The following MSRA variants were observed in gnomAD, a reference collection of about 807,000 sequenced individuals.
The protein encoded by MSRA is mitochondrial peptide methionine sulfoxide reductase.
In MSRA, 54 loss-of-function variants were observed where a neutral mutation model predicts 31.3. The observed-to-expected ratio is 1.73, with a 90% CI of 1.39 to 2.17. The LOEUF (loss-of-function observed/expected upper bound fraction) is 2.17. Ranked by LOEUF, MSRA falls within the 30% of genes most tolerant of loss-of-function variation. The pLI, the probability that MSRA is intolerant of heterozygous loss-of-function variation, is 0.00. For synonymous variants in MSRA, 169 were observed against 116.5 expected (o/e 1.45, Z -2.90); for missense variants, 507 against 300.9 (o/e 1.69, Z -5.07).
At chr8:10,325,947 T>G (rs1030436352) in intron 5 of MSRA, among the ~76,000 whole-genome samples, 1 of 152,220 alleles carries the variant, frequency 6.6e-6, no homozygotes, top group African/African-American at 2.4e-5. Context: ...TAGAACTCTG[T>G]ACTGTAGTCA....
At chr8:10,145,555 A>G (rs1043896319) in intron 1 of MSRA, among the ~76,000 whole-genome samples, 1 of 152,038 alleles carries the variant, frequency 6.6e-6, no homozygotes, top group Non-Finnish European at 1.5e-5. Flanking sequence ...GTTTGTGAGC[A>G]CTCCATCCAC....
intron 3 of MSRA, among the ~76,000 whole-genome samples, chr8:10,284,931 T>C (rs1799853762): frequency 6.6e-6 from 1 of 152,026 alleles, no homozygotes; most frequent in South Asian, 2.1e-4. Context: ...TTTTGCATCT[T>C]CAAAATCTAG....
intron 3 of MSRA, among the ~76,000 whole-genome samples, chr8:10,264,317 G>A (rs368151532): frequency 9.8e-5 from 15 of 152,296 alleles, no homozygotes; most frequent in East Asian, 7.7e-4. Context: ...CTATTAGGTC[G>A]TTTCTTTGAT....
chr8:10,199,241 G>A (rs1055644268), intron 1 of MSRA, among the ~76,000 whole-genome samples: 1 of 152,132 alleles, frequency 6.6e-6, no homozygotes, highest in African/African-American at 2.4e-5. Context: ...TCACTCCCCA[G>A]ACAGTCTGCA....
At position 10,184,729 on chromosome 8, in the gene MSRA, T is replaced by A. The variant is rs1341061310; in HGVS notation, c.143-23104T>A. Among the ~76,000 whole-genome samples the A allele has an allele frequency of 2.0e-5, 3 of 152,218 alleles. No homozygotes were observed. The East Asian group carries it at 5.8e-4, about 29-fold the overall frequency. On this transcript the variant is annotated intron_variant, in intron 1 of 5. Coordinates refer to ENST00000317173, the MANE Select transcript of MSRA (RefSeq NM_012331.5). ...ACAGGTAGAGCAGGCATGACCTAAA[T>A]TTGGTGGATGAAGAGATCTAGATTC...
chr8:10,378,204 C>CT (rs1805861269), intron 5 of MSRA, among the ~76,000 whole-genome samples: 1 of 152,214 alleles, frequency 6.6e-6, no homozygotes. Flanking sequence ...CTTCTCCCCT[C>CT]TGGGCCTTGA....
intron 2 of MSRA, among the ~76,000 whole-genome samples, chr8:10,234,355 G>C (rs1410707165): frequency 6.6e-6 from 1 of 152,110 alleles, no homozygotes; most frequent in Non-Finnish European, 1.5e-5. Flanking sequence ...GGCGGGTTTT[G>C]AGTTTGGGAG....
At chr8:10,349,409 A>G (rs1025331192) in intron 5 of MSRA, among the ~76,000 whole-genome samples, 1 of 144,146 alleles carries the variant, frequency 6.9e-6, no homozygotes, top group Admixed American at 6.7e-5. Context: ...TGCCTAGAAT[A>G]TCTTTTCCTT....
intron 3 of MSRA, among the ~76,000 whole-genome samples, chr8:10,251,786 A>G (rs765875674): frequency 1.3e-5 from 2 of 150,742 alleles, no homozygotes; most frequent in Non-Finnish European, 3.0e-5. Flanking sequence ...GGTTTTGTTT[A>G]TTGTAAACCT....
At chr8:10,222,300 C>T (rs1028044131) in intron 2 of MSRA, among the ~76,000 whole-genome samples, 1 of 152,040 alleles carries the variant, frequency 6.6e-6, no homozygotes, top group South Asian at 2.1e-4. Flanking sequence ...GTTTTCTATC[C>T]CTCTGTTTTG....
At chr8:10,094,299 T>C (rs898079005) in intron 1 of MSRA, among the ~76,000 whole-genome samples, 7 of 152,354 alleles carry the variant, frequency 4.6e-5, no homozygotes, top group African/African-American at 1.7e-4. Flanking sequence ...CCATAACTTA[T>C]TTACTTAATA....
At chr8:10,236,453 A>T (rs891381251) in intron 2 of MSRA, among the ~76,000 whole-genome samples, 1 of 152,232 alleles carries the variant, frequency 6.6e-6, no homozygotes. Context: ...ATACACCAGC[A>T]CTAAGTAATC....
chr8:10,191,454 A>T (rs117227814), intron 1 of MSRA, among the ~76,000 whole-genome samples: 1 of 152,206 alleles, frequency 6.6e-6, no homozygotes, highest in Non-Finnish European at 1.5e-5. Flanking sequence ...ACTTCCCCAA[A>T]CAAAACAGCA....
rs79433566 is a variant in MSRA at position 10,421,144 on chromosome 8, C to T, written c.544-7004C>T. Among the ~76,000 whole-genome samples the T allele has an allele frequency of 7.8e-3, 1,181 of 152,230 alleles. 15 individuals carry two copies. Among genetic ancestry groups the T allele is most frequent in the African/African-American group, 0.027 (1,118 of 41,532 alleles). On this transcript the variant is annotated intron_variant, in intron 5 of 5. Transcript: ENST00000317173. Reference sequence around the variant, plus strand: ...TAGAGCTCCTTTGGGTATTTTATAACCTACTGGGCTCCTGGGGCAGGGCGG... The same window carrying T: ...TAGAGCTCCTTTGGGTATTTTATAATCTACTGGGCTCCTGGGGCAGGGCGG...
At chr8:10,343,349 G>A (rs768793932) in intron 5 of MSRA, among the ~76,000 whole-genome samples, 4 of 152,208 alleles carry the variant, frequency 2.6e-5, no homozygotes, top group African/African-American at 7.2e-5. Flanking sequence ...CATGCTGTAC[G>A]TCATGCAGGA....
At chr8:10,328,621 CCTT>C (rs1802515131) in intron 5 of MSRA, among the ~76,000 whole-genome samples, 1 of 152,148 alleles carries the variant, frequency 6.6e-6, no homozygotes, top group African/African-American at 2.4e-5. Flanking sequence ...AATCTGAACT[CCTT>C]CGCATGGTCT....
At position 10,342,601 on chromosome 8, in the gene MSRA, A is replaced by C. The variant is rs140924367; in HGVS notation, c.543+22612A>C. On this transcript the variant is annotated intron_variant, in intron 5 of 5. Transcript: ENST00000317173. The stretch of plus-strand genomic sequence containing the variant: ...GCCTCACAGAGAAGCACAGAAGTCA[A>C]ATCTGAGGCCGTTGTATCACTGAGC... Among the ~76,000 whole-genome samples the C allele has an allele frequency of 2.6e-5, 4 of 152,326 alleles. No homozygotes were observed. In the East Asian group the frequency reaches 5.8e-4, roughly 22 times the overall value.
intron 1 of MSRA, among the ~76,000 whole-genome samples, chr8:10,167,395 G>A (rs1237625138): frequency 6.6e-6 from 1 of 152,158 alleles, no homozygotes; most frequent in African/African-American, 2.4e-5. Context: ...AAAGACTTAG[G>A]GCAAATCACT....
intron 5 of MSRA, among the ~76,000 whole-genome samples, chr8:10,416,992 A>G (rs540059309): frequency 1.3e-5 from 2 of 152,350 alleles, no homozygotes; most frequent in Non-Finnish European, 2.9e-5. Flanking sequence ...ACACAGAGGA[A>G]TAGATAATGA....
Sources: gnomAD v4.1 joint callset for allele counts (sites outside exome capture counted in the v4.1 genomes callset) on GRCh38, gnomAD v4.1.1 for gene constraint, MANE v1.5 for transcripts, NCBI Gene and HGNC (gene_info 2026-07-23, HGNC 2026-07-21) for gene names.